The following CDH1 variants were observed in gnomAD, a reference collection of about 807,000 sequenced individuals.
CDH1 encodes cadherin-1.
Under a neutral mutation model 84.5 loss-of-function variants are expected in CDH1, and 35 were observed. The ratio of observed to expected loss-of-function variants is 0.41; its 90% CI spans 0.32 to 0.55. The LOEUF is 0.55. Among genes scored for constraint, CDH1 ranks in the 20% least tolerant of loss-of-function variants. The pLI is 0.19. For synonymous variants in CDH1, 417 were observed against 439.0 expected (o/e 0.95, Z 0.63); for missense variants, 994 against 1,126.6 (o/e 0.88, Z 1.68).
At chr16:68,752,044 C>T (rs35038833) in intron 2 of CDH1, among the ~76,000 whole-genome samples, 6,551 of 150,052 alleles carry the variant, frequency 0.044, 478 homozygotes, top group African/African-American at 0.15. Context: ...CTCCGCCTCC[C>T]GGGTTCAAGC....
At chr16:68,784,755 G>A (rs1003631555) in intron 2 of CDH1, among the ~76,000 whole-genome samples, 2 of 151,354 alleles carry the variant, frequency 1.3e-5, no homozygotes, top group African/African-American at 4.9e-5. Context: ...ACAATATTTG[G>A]TTTTCCATTC....
intron 2 of CDH1, among the ~76,000 whole-genome samples, chr16:68,782,426 CCCA>C (rs1369430166): frequency 6.6e-6 from 1 of 152,196 alleles, no homozygotes; most frequent in Non-Finnish European, 1.5e-5. Context: ...TTCAAATGTT[CCCA>C]CCAACTGTGA....
intron 2 of CDH1, among the ~76,000 whole-genome samples, chr16:68,780,019 G>A (rs986881802): frequency 8.5e-5 from 13 of 152,130 alleles, no homozygotes; most frequent in African/African-American, 2.4e-4. Context: ...CTCCAGCTAC[G>A]TCTGACTTTG....
rs555202424 is a variant in CDH1, at chr16:68,738,964, T to TTTTTTTTTTTTAA, written c.163+553_163+554insTTTTTTTTTTTAA. Reference sequence around the variant, plus strand: ...TTTTTTTTTTTTTTTTTTTTTTTTTTAAAGACAGGGTCTTGCTCTGTTGCC... The same window carrying TTTTTTTTTTTTAA: ...TTTTTTTTTTTTTTTTTTTTTTTTTTTTTTTTTTTTTAAAAAGACAGGGTCTTGCTCTGTTGCC... On this transcript the variant is annotated intron_variant, in intron 2 of 15. Coordinates refer to ENST00000261769, the MANE Select transcript of CDH1 (RefSeq NM_004360.5). 1.2e-4 allele frequency among the ~76,000 whole-genome samples: 8 copies of TTTTTTTTTTTTAA among 65,410 alleles called. 1 individual carries two copies. In the East Asian group the frequency reaches 1.5e-3, roughly 12 times the overall value. The allele number at this position is 65,410 out of a possible 152,430, so 42.9% of individuals were successfully genotyped here. A position where few individuals can be genotyped will look rare whatever the true frequency, so the allele number is the denominator to read the frequency against.
chr16:68,784,840 G>T (rs1275563999), intron 2 of CDH1, among the ~76,000 whole-genome samples: 1 of 149,994 alleles, frequency 6.7e-6, no homozygotes, highest in Non-Finnish European at 1.5e-5. Flanking sequence ...AAGTTCCTAG[G>T]TCCAGTGTTT....
chr16:68,789,749 G>A (rs1030554718), intron 2 of CDH1, among the ~76,000 whole-genome samples: 5 of 152,194 alleles, frequency 3.3e-5, no homozygotes, highest in Non-Finnish European at 7.4e-5. Flanking sequence ...AGGGGCCCTG[G>A]CTGAGTATTT....
chr16:68,832,768 C>G (rs571298027), intron 15 of CDH1, among the ~76,000 whole-genome samples: 99 of 151,878 alleles, frequency 6.5e-4, no homozygotes, highest in Middle Eastern at 6.8e-3. Flanking sequence ...TGCAGTGAGC[C>G]AAAATCACAC....
At chr16:68,751,883 C>T (rs1962890859) in intron 2 of CDH1, among the ~76,000 whole-genome samples, 1 of 152,000 alleles carries the variant, frequency 6.6e-6, no homozygotes, top group Non-Finnish European at 1.5e-5. Context: ...CTCACTGCAA[C>T]CTCAGACTCC....
chr16:68,833,472 C>G lies in CDH1; in HGVS notation c.2622C>G (p.Asp874Glu), dbSNP rs1555518285. 6.2e-7 allele frequency: 1 copy of G among 1,614,102 alleles called. No homozygotes were observed. The highest frequency in any genetic ancestry group is 1.3e-5 in the African/African-American group (1 of 75,034). The change falls in exon 16 of 16, where the codon GAC becomes GAG. Residue 874 changes from aspartate to glutamate, a missense_variant. Asp to Glu is a conservative substitution (Grantham distance 45). Transcript: ENST00000261769. ...EWGNRFKKLADMYGGGEDD is the reference protein window; with the variant it reads ...EWGNRFKKLAEMYGGGEDD The stretch of plus-strand genomic sequence containing the variant: ...GCAATCGCTTCAAGAAGCTGGCTGA[C>G]ATGTACGGAGGCGGCGAGGACGACT...
chr16:68,804,100 G>A (rs1960585371), intron 3 of CDH1, among the ~76,000 whole-genome samples: 1 of 127,044 alleles, frequency 7.9e-6, no homozygotes, highest in South Asian at 2.5e-4. Context: ...TTATCTGTCT[G>A]CCTTTTTTTT....
intron 2 of CDH1, among the ~76,000 whole-genome samples, chr16:68,743,332 TTTC>T (rs1305875644): frequency 0.022 from 588 of 27,204 alleles, 25 homozygotes; most frequent in Admixed American, 0.056. Context: ...TCTTTCTTTC[TTTC>T]TTTCTTTCTT....
At chr16:68,761,627 A>T (rs916086017) in intron 2 of CDH1, among the ~76,000 whole-genome samples, 1 of 152,186 alleles carries the variant, frequency 6.6e-6, no homozygotes, top group Non-Finnish European at 1.5e-5. Flanking sequence ...GGTGTGTAGG[A>T]AAGATGAATC....
At chr16:68,741,083 C>T (rs774602974) in intron 2 of CDH1, among the ~76,000 whole-genome samples, 6 of 151,134 alleles carry the variant, frequency 4.0e-5, no homozygotes, top group Admixed American at 1.3e-4. Context: ...GGGGAGGTGG[C>T]GGGGGACCCT....
intron 10 of CDH1, among the ~76,000 whole-genome samples, chr16:68,818,179 G>T (rs1348536928): frequency 1.4e-5 from 2 of 147,292 alleles, no homozygotes; most frequent in Non-Finnish European, 3.0e-5. Flanking sequence ...GGTGGAGCTT[G>T]CAGTGAGCTG....
At chr16:68,748,386 G>T (rs547613800) in intron 2 of CDH1, among the ~76,000 whole-genome samples, 34 of 152,276 alleles carry the variant, frequency 2.2e-4, no homozygotes, top group Middle Eastern at 3.4e-3. Context: ...GATTAGAGGC[G>T]TGAGCCACCA....
At chr16:68,775,489 T>C (rs1282165600) in intron 2 of CDH1, among the ~76,000 whole-genome samples, 1 of 152,198 alleles carries the variant, frequency 6.6e-6, no homozygotes, top group African/African-American at 2.4e-5. Flanking sequence ...GAAGGTGGTG[T>C]TCTTGCCTTT....
chr16:68,834,846 T>C lies in CDH1; in HGVS notation c.*1347T>C, dbSNP rs1961595402. On this transcript the variant is annotated 3_prime_UTR_variant, in exon 16 of 16. Transcript: ENST00000261769. ...TGCAGCCAAAGACAGAGCGGAACTA[T>C]GAAAAGTGGGCTTGGAGATGGCAGG... 4.3e-6 allele frequency: 1 copy of C among 232,704 alleles called. No individual in the cohort carries two copies. The highest frequency in any genetic ancestry group is 8.5e-6 in the Non-Finnish European group (1 of 117,364). 14.4% of individuals were successfully genotyped at this position (232,704 alleles called of 1,614,324 possible). A position where few individuals can be genotyped will look rare whatever the true frequency, so the allele number is the denominator to read the frequency against.
In CDH1 at chr16:68,833,276, C is replaced by T. The variant is rs1301388290; in HGVS notation, c.2440-14C>T. ...TCCTTTCACTAAAAGATGCTTTTGT[C>T]CCTTCTTCTTTAGAATCTGAAAGCG... On this transcript the variant is annotated splice_polypyrimidine_tract_variant and intron_variant, in intron 15 of 15. Coordinates refer to ENST00000261769, the MANE Select transcript of CDH1 (RefSeq NM_004360.5). 1.9e-6 allele frequency: 3 copies of T among 1,610,782 alleles called. No individual in the cohort carries two copies. Among genetic ancestry groups the T allele is most frequent in the South Asian group, 1.1e-5 (1 of 91,040 alleles).
At chr16:68,820,689 A>G (rs1961119530) in intron 11 of CDH1, among the ~76,000 whole-genome samples, 2 of 152,136 alleles carry the variant, frequency 1.3e-5, no homozygotes, top group Non-Finnish European at 2.9e-5. Flanking sequence ...CTTTACCTGA[A>G]AAATGTTAAT....
Sources: gnomAD v4.1 joint callset for allele counts (sites outside exome capture counted in the v4.1 genomes callset) on GRCh38, gnomAD v4.1.1 for gene constraint, MANE v1.5 for transcripts, NCBI Gene and HGNC (gene_info 2026-07-23, HGNC 2026-07-21) for gene names.